The following BRF1 variants were observed in gnomAD, a reference collection of about 807,000 sequenced individuals.
BRF1 encodes the protein BRF1 general transcription factor IIIB subunit.
BRF1 carries 59 observed loss-of-function variants against 81.7 expected under a neutral mutation model. The ratio of observed to expected loss-of-function variants is 0.72; its 90% confidence interval spans 0.59 to 0.90. The LOEUF (loss-of-function observed/expected upper bound fraction) is 0.90. Among genes scored for constraint, BRF1 ranks in the 40% least tolerant of loss-of-function variants. The probability of loss-of-function intolerance (pLI) is 0.00; values close to 1 mark genes in which losing one functional copy is unlikely to be tolerated. For missense variants in BRF1, 1,050 were observed against 936.3 expected, an observed-to-expected ratio of 1.12 and a Z score of -1.58; for synonymous variants, 491 against 395.6, an observed-to-expected ratio of 1.24 and a Z score of -2.86.
At chr14:105,225,776 G>A (rs1301232086) in intron 10 of BRF1, among the ~76,000 whole-genome samples, 1 of 152,050 alleles carries the variant, frequency 6.6e-6, no homozygotes, top group Non-Finnish European at 1.5e-5. Context: ...GCCTCCCATG[G>A]AGCTGGGACT....
chr14:105,291,650 A>T (rs1001669004), intron 1 of BRF1, among the ~76,000 whole-genome samples: 52 of 151,554 alleles, frequency 3.4e-4, no homozygotes, highest in East Asian at 1.2e-3. Flanking sequence ...TCAAAAAAAA[A>T]TTTTTTTTTA....
chr14:105,280,062 A>G (rs1303309736), intron 2 of BRF1, among the ~76,000 whole-genome samples: 1 of 152,146 alleles, frequency 6.6e-6, no homozygotes, highest in Non-Finnish European at 1.5e-5. Flanking sequence ...CTCTCACCAC[A>G]CCACCCAGCA....
intron 1 of BRF1, 23 bp from the exon 2 acceptor site, chr14:105,286,399 A>T (rs1346121653): frequency 1.9e-6 from 3 of 1,605,412 alleles, no homozygotes; most frequent in Non-Finnish European, 2.6e-6. Flanking sequence ...AAAAAGACAG[A>T]TCAGCCAAAA....
At chr14:105,220,774 A>G (rs1322254512) in intron 11 of BRF1, among the ~76,000 whole-genome samples, 2 of 152,214 alleles carry the variant, frequency 1.3e-5, no homozygotes, top group Admixed American at 1.3e-4. Flanking sequence ...ACAGGGCCAG[A>G]CTGTCTGAGG....
intron 3 of BRF1, among the ~76,000 whole-genome samples, chr14:105,264,442 A>G (rs1398715019): frequency 6.6e-6 from 1 of 152,020 alleles, no homozygotes; most frequent in Non-Finnish European, 1.5e-5. Context: ...AGGTGGGCGG[A>G]TCACGAGGTC....
At chr14:105,216,247 C>A (rs1385085545) in intron 15 of BRF1, among the ~76,000 whole-genome samples, 1 of 152,224 alleles carries the variant, frequency 6.6e-6, no homozygotes, top group Non-Finnish European at 1.5e-5. Context: ...AACCCTGTCA[C>A]CAGGCACCAG....
intron 4 of BRF1, 151 bp downstream of exon 4, chr14:105,256,367 C>G (rs2055867201): frequency 6.3e-7 from 1 of 1,578,378 alleles, no homozygotes; most frequent in African/African-American, 1.4e-5. Flanking sequence ...GCCCCTCATC[C>G]TACAGACCAA....
intron 6 of BRF1, 52 bp downstream of exon 6, chr14:105,241,213 G>A: frequency 2.9e-5 from 46 of 1,595,600 alleles, no homozygotes; most frequent in Non-Finnish European, 3.9e-5. Context: ...TCAGGAAAGT[G>A]TGAGGCCAGG....
At chr14:105,215,413 C>T (rs924981046) in intron 15 of BRF1, among the ~76,000 whole-genome samples, 2 of 152,146 alleles carry the variant, frequency 1.3e-5, no homozygotes, top group East Asian at 1.9e-4. Context: ...TACACACATG[C>T]ACACACACTA....
intron 3 of BRF1, among the ~76,000 whole-genome samples, chr14:105,261,830 C>T (rs1446733693): frequency 2.0e-5 from 3 of 152,234 alleles, no homozygotes; most frequent in Non-Finnish European, 4.4e-5. Context: ...GGCGCCCACA[C>T]GGCGTGAGGA....
At chr14:105,255,012 GC>G (rs1291816071) in intron 4 of BRF1, among the ~76,000 whole-genome samples, 1 of 152,238 alleles carries the variant, frequency 6.6e-6, no homozygotes, top group Non-Finnish European at 1.5e-5. Context: ...TTCCTGGGCA[GC>G]AGGTGGATTC....
intron 2 of BRF1, 22 bp downstream of exon 2, chr14:105,286,274 C>G: frequency 6.2e-7 from 1 of 1,606,922 alleles, no homozygotes; most frequent in African/African-American, 1.3e-5. Context: ...GCACGCTCAG[C>G]AGCATCCGCG....
intron 16 of BRF1, 27 bp from the exon 17 acceptor site, chr14:105,211,320 C>T: frequency 1.9e-6 from 3 of 1,559,374 alleles, no homozygotes; most frequent in Non-Finnish European, 2.6e-6. Flanking sequence ...CTCTGACACA[C>T]ACAGAGCTGG....
At chr14:105,280,714 G>A (rs959945895) in intron 2 of BRF1, among the ~76,000 whole-genome samples, 21 of 150,452 alleles carry the variant, frequency 1.4e-4, no homozygotes, top group African/African-American at 4.6e-4. Flanking sequence ...TCCTGAGTCC[G>A]GGTGTGCGGA....
At chr14:105,292,012 A>G (rs2057534902) in intron 1 of BRF1, among the ~76,000 whole-genome samples, 1 of 152,086 alleles carries the variant, frequency 6.6e-6, no homozygotes, top group African/African-American at 2.4e-5. Flanking sequence ...AAGAAAAAAA[A>G]AGAAGTCTCA....
rs138300689 is a variant in BRF1 at position 105,219,070 on chromosome 14, G to C, written c.1460-17C>G. Reference sequence around the variant, plus strand: ...CTTCTTTTTCTAAAAGTTCAGAAAGGGGGCCAGCGTCACTGAGGGCCCACG... The same window carrying C: ...CTTCTTTTTCTAAAAGTTCAGAAAGCGGGCCAGCGTCACTGAGGGCCCACG... On this transcript the variant is annotated splice_polypyrimidine_tract_variant and intron_variant, in intron 13 of 17. Coordinates refer to ENST00000547530, the MANE Select transcript of BRF1 (RefSeq NM_001519.4). 2.7e-5 allele frequency: 44 copies of C among 1,613,830 alleles called. No individual in the cohort carries two copies. The African/African-American group carries it at 5.5e-4, about 20-fold the overall frequency.
upstream of BRF1, among the ~76,000 whole-genome samples, chr14:105,305,351 G>C (rs2058156026): frequency 6.6e-6 from 1 of 152,044 alleles, no homozygotes; most frequent in African/African-American, 2.4e-5. Flanking sequence ...GCAGTGAGCT[G>C]AGATCACACC....
At chr14:105,229,625 C>CACCACTGTCCGCGT in intron 6 of BRF1, among the ~76,000 whole-genome samples, 1 of 152,240 alleles carries the variant, frequency 6.6e-6, no homozygotes, top group Non-Finnish European at 1.5e-5. Context: ...CCAACTAGAA[C>CACCACTGTCCGCGT]AGTCGCCCAG....
intron 12 of BRF1, chr14:105,219,487 C>T (rs999197655): frequency 9.9e-6 from 7 of 705,692 alleles, no homozygotes; most frequent in African/African-American, 3.6e-5. Context: ...CAAGCCCTGC[C>T]GGCACCAGGA....
Sources: allele counts gnomAD v4.1 joint callset (sites outside exome capture counted in the v4.1 genomes callset), GRCh38; gene constraint gnomAD v4.1.1; transcripts MANE v1.5; gene names NCBI Gene and HGNC (gene_info 2026-07-23, HGNC 2026-07-21).